The following DLG2 variants were observed in gnomAD, a reference collection of about 807,000 sequenced individuals.
DLG2 encodes the protein discs large MAGUK scaffold protein 2, also known as disks large homolog 2.
DLG2 carries 45 observed loss-of-function variants against 132.5 expected under a neutral mutation model. The observed-to-expected ratio is 0.34, with a 90% CI of 0.27 to 0.44. DLG2 has a LOEUF of 0.44. Ranked by LOEUF, DLG2 falls within the 20% of genes least tolerant of loss-of-function variation. The probability of loss-of-function intolerance (pLI) is 1.00; values close to 1 mark genes in which losing one functional copy is unlikely to be tolerated. For missense variants in DLG2, 1,045 were observed against 1,196.9 expected (o/e 0.87, Z 1.87); for synonymous variants, 424 against 419.6 (o/e 1.01, Z -0.13).
intron 6 of DLG2, among the ~76,000 whole-genome samples, chr11:84,594,762 A>T (rs1272130456): frequency 6.6e-6 from 1 of 152,174 alleles, no homozygotes; most frequent in Non-Finnish European, 1.5e-5. Context: ...TAAACTGGAG[A>T]CCTGCCACAG....
At chr11:84,285,997 G>A (rs1380648456) in intron 7 of DLG2, among the ~76,000 whole-genome samples, 1 of 152,114 alleles carries the variant, frequency 6.6e-6, no homozygotes, top group South Asian at 2.1e-4. Flanking sequence ...AAGACACACT[G>A]AGTGGTTCAA....
chr11:85,010,603 T>C (rs529124299), intron 6 of DLG2, among the ~76,000 whole-genome samples: 54 of 152,108 alleles, frequency 3.6e-4, no homozygotes, highest in Admixed American at 3.0e-3. Flanking sequence ...CCACCTGCAT[T>C]GTCCAAAGGG....
intron 7 of DLG2, chr11:84,273,441 T>C: frequency 1.1e-5 from 8 of 703,320 alleles, no homozygotes; most frequent in Non-Finnish European, 1.4e-5. Flanking sequence ...TAACTGGGCA[T>C]GACTTGAACA....
At chr11:83,964,691 T>A (rs117905044) in intron 13 of DLG2, among the ~76,000 whole-genome samples, 1 of 152,016 alleles carries the variant, frequency 6.6e-6, no homozygotes, top group East Asian at 1.9e-4. Context: ...GGAGAACATA[T>A]GAGGCTTATG....
intron 6 of DLG2, among the ~76,000 whole-genome samples, chr11:84,658,118 TCTTC>T (rs1002828091): frequency 2.8e-4 from 42 of 152,252 alleles, no homozygotes; most frequent in African/African-American, 9.1e-4. Context: ...CTTTCTCCCT[TCTTC>T]CTTCCTTCTT....
intron 6 of DLG2, among the ~76,000 whole-genome samples, chr11:85,105,295 C>G (rs1051182799): frequency 2.0e-5 from 3 of 151,802 alleles, no homozygotes; most frequent in African/African-American, 7.3e-5. Flanking sequence ...ATCAGTGTAA[C>G]AAAATTATTT....
At chr11:84,522,858 T>C (rs1445735286) in intron 7 of DLG2, among the ~76,000 whole-genome samples, 1 of 152,184 alleles carries the variant, frequency 6.6e-6, no homozygotes, top group Admixed American at 6.5e-5. Flanking sequence ...TCTTTAAAGG[T>C]TATGCATATG....
In DLG2 at chr11:85,622,737, G is replaced by A. The variant is rs527635768; in HGVS notation, c.-93+3850C>T. 2.8e-4 allele frequency among the ~76,000 whole-genome samples: 42 copies of A among 152,152 alleles called. No individual in the cohort carries two copies. The East Asian group carries it at 5.4e-3, about 20-fold the overall frequency. On this transcript the variant is annotated intron_variant, in intron 2 of 27. Coordinates refer to ENST00000376104, the MANE Select transcript of DLG2 (RefSeq NM_001142699.3). ...AAACTGTAATCTCAGTTTCAAGGGT[G>A]CCTATGAGATATATGGCAATATCAT...
chr11:84,735,872 T>C (rs777331911), intron 6 of DLG2, among the ~76,000 whole-genome samples: 13 of 152,006 alleles, frequency 8.6e-5, no homozygotes, highest in Non-Finnish European at 1.5e-4. Context: ...CTTTTCATTC[T>C]TATCAGTGTC....
At chr11:85,200,707 A>C (rs1325062865) in intron 4 of DLG2, among the ~76,000 whole-genome samples, 2 of 151,960 alleles carry the variant, frequency 1.3e-5, no homozygotes, top group Non-Finnish European at 2.9e-5. Flanking sequence ...ATCTTTGCAG[A>C]GACCTCCTGG....
chr11:84,272,713 T>A (rs2097741369), intron 7 of DLG2, among the ~76,000 whole-genome samples: 1 of 152,192 alleles, frequency 6.6e-6, no homozygotes, highest in Non-Finnish European at 1.5e-5. Context: ...ACTTTTTTGG[T>A]GGGTTTTACT....
chr11:85,455,153 G>A (rs556467358), intron 3 of DLG2, among the ~76,000 whole-genome samples: 9 of 152,280 alleles, frequency 5.9e-5, no homozygotes, highest in African/African-American at 1.9e-4. Flanking sequence ...CCCTATCCAT[G>A]AGCATGGAAT....
At chr11:84,621,837 C>A (rs2099614534) in intron 6 of DLG2, among the ~76,000 whole-genome samples, 1 of 151,936 alleles carries the variant, frequency 6.6e-6, no homozygotes, top group Non-Finnish European at 1.5e-5. Context: ...GGAAGGGTGG[C>A]AGGAGGGATT....
At chr11:83,651,116 A>G (rs1003957719) in intron 18 of DLG2, among the ~76,000 whole-genome samples, 5 of 152,140 alleles carry the variant, frequency 3.3e-5, no homozygotes, top group African/African-American at 9.7e-5. Context: ...GGAGGAAGAC[A>G]TTATGTCTTA....
intron 7 of DLG2, among the ~76,000 whole-genome samples, chr11:84,435,876 A>G (rs1037716176): frequency 6.6e-6 from 1 of 152,066 alleles, no homozygotes; most frequent in Non-Finnish European, 1.5e-5. Context: ...TTTGCATACT[A>G]ATTTGGCATA....
chr11:85,233,204 A>G (rs1286017895), intron 4 of DLG2, among the ~76,000 whole-genome samples: 1 of 151,868 alleles, frequency 6.6e-6, no homozygotes, highest in Non-Finnish European at 1.5e-5. Context: ...TTCTGTCCCC[A>G]GCTACAGGTT....
intron 6 of DLG2, among the ~76,000 whole-genome samples, chr11:84,541,652 G>A (rs2099371496): frequency 6.6e-6 from 1 of 152,082 alleles, no homozygotes; most frequent in South Asian, 2.1e-4. Flanking sequence ...AATCTCCAAT[G>A]CCCAACCGAC....
chr11:83,782,873 T>A (rs961529225), intron 18 of DLG2, among the ~76,000 whole-genome samples: 3 of 151,984 alleles, frequency 2.0e-5, no homozygotes, highest in African/African-American at 7.2e-5. Flanking sequence ...AGGGAAGGGG[T>A]ACCTGTGGGT....
At chr11:83,575,838 C>A (rs2096865180) in intron 19 of DLG2, among the ~76,000 whole-genome samples, 1 of 152,080 alleles carries the variant, frequency 6.6e-6, no homozygotes, top group Non-Finnish European at 1.5e-5. Context: ...GCAAAAATAT[C>A]TGGCCCCAAT....
Sources: gnomAD v4.1 joint callset for allele counts (sites outside exome capture counted in the v4.1 genomes callset) on GRCh38, gnomAD v4.1.1 for gene constraint, MANE v1.5 for transcripts, NCBI Gene and HGNC (gene_info 2026-07-23, HGNC 2026-07-21) for gene names.